UVRAG: variants seen among roughly 807,000 people sequenced by gnomAD.
UVRAG encodes the protein UV radiation resistance associated, also known as UV radiation resistance-associated gene protein.
Under a neutral mutation model 78.0 loss-of-function variants are expected in UVRAG, and 19 were observed. The ratio of observed to expected loss-of-function variants is 0.24; its 90% CI spans 0.17 to 0.36. The LOEUF is 0.36. Ranked by LOEUF, UVRAG falls within the 10% of genes least tolerant of loss-of-function variation. UVRAG has a pLI of 1.00. For missense variants in UVRAG, 740 were observed against 853.8 expected, an observed-to-expected ratio of 0.87 and a Z score of 1.66; for synonymous variants, 323 against 324.6, an observed-to-expected ratio of 1.00 and a Z score of 0.05.
chr11:75,920,095 G>A (rs1433098464), intron 6 of UVRAG, among the ~76,000 whole-genome samples: 1 of 118,116 alleles, frequency 8.5e-6, no homozygotes, highest in Non-Finnish European at 1.6e-5. Context: ...GTGTGATTTT[G>A]GCTCGCTGCA....
At chr11:76,056,090 A>G (rs552934296) in intron 12 of UVRAG, among the ~76,000 whole-genome samples, 15 of 152,328 alleles carry the variant, frequency 9.8e-5, no homozygotes, top group Admixed American at 1.3e-4. Flanking sequence ...GTCAAGATAC[A>G]GATCATTGAC....
At chr11:76,003,237 T>A (rs1478971755) in intron 8 of UVRAG, among the ~76,000 whole-genome samples, 1 of 150,100 alleles carries the variant, frequency 6.7e-6, no homozygotes, top group African/African-American at 2.5e-5. Context: ...CTATACACTA[T>A]GATTTTCACG....
intron 7 of UVRAG, among the ~76,000 whole-genome samples, chr11:75,973,285 A>G (rs143327166): frequency 2.0e-5 from 3 of 152,328 alleles, no homozygotes; most frequent in African/African-American, 7.2e-5. Context: ...TTCTGCATCT[A>G]TCAATATGTA....
intron 5 of UVRAG, among the ~76,000 whole-genome samples, chr11:75,898,338 A>T (rs561149156): frequency 1.3e-5 from 2 of 152,326 alleles, no homozygotes; most frequent in African/African-American, 4.8e-5. Flanking sequence ...CTGTACAATG[A>T]ATTGCCCCTT....
At chr11:75,885,033 C>T (rs1326790992) in intron 4 of UVRAG, among the ~76,000 whole-genome samples, 1 of 151,932 alleles carries the variant, frequency 6.6e-6, no homozygotes, top group East Asian at 1.9e-4. Flanking sequence ...TAAAAATTTT[C>T]TTGTAGTTTT....
intron 6 of UVRAG, among the ~76,000 whole-genome samples, chr11:75,960,916 G>A (rs1323147829): frequency 6.6e-6 from 1 of 152,160 alleles, no homozygotes; most frequent in African/African-American, 2.4e-5. Flanking sequence ...ACCTGGCCGA[G>A]TATTTAATTC....
chr11:76,067,577 C>CA, intron 13 of UVRAG, among the ~76,000 whole-genome samples: 1 of 152,040 alleles, frequency 6.6e-6, no homozygotes, highest in South Asian at 2.1e-4. Context: ...GGCAACATGG[C>CA]AAAACCCCAT....
intron 12 of UVRAG, among the ~76,000 whole-genome samples, chr11:76,041,976 A>G (rs1316934657): frequency 6.6e-6 from 1 of 152,216 alleles, no homozygotes; most frequent in African/African-American, 2.4e-5. Context: ...TACTTCCAAG[A>G]CTACATGTTG....
chr11:76,120,813 A>G (rs2134476854), intron 14 of UVRAG, among the ~76,000 whole-genome samples: 1 of 152,368 alleles, frequency 6.6e-6, no homozygotes, highest in Middle Eastern at 3.4e-3. Context: ...GTCTCAGAGG[A>G]AATCTGAGAA....
At chr11:75,929,855 G>C (rs1002144209) in intron 6 of UVRAG, among the ~76,000 whole-genome samples, 1 of 149,496 alleles carries the variant, frequency 6.7e-6, no homozygotes, top group African/African-American at 2.6e-5. Flanking sequence ...ATGTGGAAAG[G>C]TGGGGAATGC....
intron 6 of UVRAG, among the ~76,000 whole-genome samples, chr11:75,931,872 T>C (rs769670939): frequency 5.3e-5 from 8 of 152,350 alleles, no homozygotes; most frequent in Admixed American, 2.6e-4. Context: ...TATGTTGTTA[T>C]AATCAGCTCC....
At chr11:75,950,251 C>CTATT (rs1188881875) in intron 6 of UVRAG, among the ~76,000 whole-genome samples, 7 of 151,952 alleles carry the variant, frequency 4.6e-5, no homozygotes, top group South Asian at 2.1e-4. Flanking sequence ...GTGCTTTCTC[C>CTATT]TATTTATTTA....
At chr11:76,023,438 G>A (rs1468024571) in intron 12 of UVRAG, among the ~76,000 whole-genome samples, 1 of 152,014 alleles carries the variant, frequency 6.6e-6, no homozygotes, top group Non-Finnish European at 1.5e-5. Context: ...TGTCTGAACT[G>A]TAATTTTTTT....
At chr11:76,033,643 C>G (rs1591157640) in intron 12 of UVRAG, among the ~76,000 whole-genome samples, 1 of 151,850 alleles carries the variant, frequency 6.6e-6, no homozygotes, top group African/African-American at 2.4e-5. Context: ...TATTTATAAA[C>G]AAGTAAAGGA....
chr11:76,088,626 A>G (rs1951637781), intron 13 of UVRAG, among the ~76,000 whole-genome samples: 1 of 151,936 alleles, frequency 6.6e-6, no homozygotes, highest in Non-Finnish European at 1.5e-5. Flanking sequence ...CTGGCCCTTT[A>G]TGCCAGGAAA....
At chr11:76,135,646 C>T (rs2134508170) in intron 14 of UVRAG, among the ~76,000 whole-genome samples, 1 of 152,292 alleles carries the variant, frequency 6.6e-6, no homozygotes, top group South Asian at 2.1e-4. Flanking sequence ...TTAATTGCAG[C>T]ATTAAACCAC....
At chr11:75,877,276 G>A (rs997142857) in intron 3 of UVRAG, among the ~76,000 whole-genome samples, 2 of 152,168 alleles carry the variant, frequency 1.3e-5, no homozygotes, top group African/African-American at 2.4e-5. Flanking sequence ...GCAACCATCT[G>A]ATTTCTCAAT....
intron 12 of UVRAG, among the ~76,000 whole-genome samples, chr11:76,064,894 A>G (rs371716922): frequency 6.6e-6 from 1 of 152,202 alleles, no homozygotes; most frequent in South Asian, 2.1e-4. Context: ...CTTGACCCTA[A>G]GTAATAATTG....
chr11:76,133,291 T>A (rs1456636552), intron 14 of UVRAG, among the ~76,000 whole-genome samples: 1 of 152,176 alleles, frequency 6.6e-6, no homozygotes, highest in Non-Finnish European at 1.5e-5. Context: ...AGCAGTGAGG[T>A]GCATCATCAG....
Sources: allele counts gnomAD v4.1 joint callset (sites outside exome capture counted in the v4.1 genomes callset), GRCh38; gene constraint gnomAD v4.1.1; transcripts MANE v1.5; gene names NCBI Gene and HGNC (gene_info 2026-07-23, HGNC 2026-07-21).